Variants in PPM1A observed in about 807,000 individuals in gnomAD.
The protein encoded by PPM1A is protein phosphatase 1A.
In PPM1A, 7 loss-of-function variants were observed where a neutral mutation model predicts 35.0. The ratio of observed to expected loss-of-function variants is 0.20; its 90% CI spans 0.11 to 0.38. The LOEUF (loss-of-function observed/expected upper bound fraction) is 0.38. Ranked by LOEUF, PPM1A falls within the 10% of genes least tolerant of loss-of-function variation. The pLI is 1.00. For synonymous variants in PPM1A, 153 were observed against 167.3 expected (o/e 0.91, Z 0.66); for missense variants, 239 against 467.8 (o/e 0.51, Z 4.51).
chr14:60,276,759 T>C (rs1885806977), intron 1 of PPM1A, among the ~76,000 whole-genome samples: 1 of 152,178 alleles, frequency 6.6e-6, no homozygotes, highest in South Asian at 2.1e-4. Flanking sequence ...CAATAAAATA[T>C]ATAGAGCATT....
intron 1 of PPM1A, chr14:60,267,241 T>C (rs1168191671): frequency 2.6e-5 from 4 of 152,144 alleles, no homozygotes; most frequent in Admixed American, 2.6e-4. Context: ...CCTTGTTCTT[T>C]TTTCTTTCCT....
At chr14:60,248,353 CT>C (rs1881927203), upstream of PPM1A, among the ~76,000 whole-genome samples, 1 of 152,232 alleles carries the variant, frequency 6.6e-6, no homozygotes, top group Non-Finnish European at 1.5e-5. Flanking sequence ...TGGAGGTCCC[CT>C]GGGACAGAAC....
intron 1 of PPM1A, among the ~76,000 whole-genome samples, chr14:60,278,847 G>A (rs568146208): frequency 3.9e-5 from 6 of 152,260 alleles, no homozygotes; most frequent in East Asian, 3.9e-4. Context: ...TTGATAAATT[G>A]TATTCTGTTA....
chr14:60,273,854 T>C lies in PPM1A; in HGVS notation c.-20-8830T>C, dbSNP rs1387660545. Among the ~76,000 whole-genome samples the C allele has an allele frequency of 6.6e-6, 1 of 152,092 alleles. No homozygotes were observed. Among genetic ancestry groups the C allele is most frequent in the Non-Finnish European group, 1.5e-5 (1 of 67,984 alleles). On this transcript the variant is annotated intron_variant, in intron 1 of 5. Transcript: ENST00000395076. This position sits in a 1 kb window ranked among gnomAD's most constrained non-coding sequence, Gnocchi z 4.3. ...CTTAGTTTCTGTTTCTTTTTCTGAG[T>C]TGGGGTCTTGCTATATTGCCTAGGC...
chr14:60,284,331 A>G (rs895757800), intron 2 of PPM1A, among the ~76,000 whole-genome samples: 2 of 152,176 alleles, frequency 1.3e-5, no homozygotes, highest in Non-Finnish European at 2.9e-5. Flanking sequence ...CAGCTTTAAA[A>G]TGGAGATAAT....
chr14:60,274,459 G>T (rs1885514684), intron 1 of PPM1A, among the ~76,000 whole-genome samples: 1 of 151,974 alleles, frequency 6.6e-6, no homozygotes, highest in South Asian at 2.1e-4. Context: ...GGTGACACTT[G>T]TGGCTTTAAA....
At chr14:60,257,812 A>G (rs930446217) in intron 1 of PPM1A, among the ~76,000 whole-genome samples, 1 of 139,014 alleles carries the variant, frequency 7.2e-6, no homozygotes, top group African/African-American at 2.8e-5. Context: ...AGGGATGGCT[A>G]TATATTTTTT....
At chr14:60,261,244 G>C (rs1386220809) in intron 1 of PPM1A, among the ~76,000 whole-genome samples, 2 of 152,126 alleles carry the variant, frequency 1.3e-5, no homozygotes, top group African/African-American at 4.8e-5. Flanking sequence ...GGATTAGAAA[G>C]AGACATTAAA....
In PPM1A at chr14:60,292,651, T is replaced by A; in HGVS notation, c.*169T>A. ...GTACAACAGCTAGCCCAGAACTGAT[T>A]TTTTTTTTTTTTTTTGTAAATTTGA... On this transcript the variant is annotated 3_prime_UTR_variant, in exon 6 of 6. Transcript: ENST00000395076. This position sits in a 1 kb window ranked among gnomAD's most constrained non-coding sequence, Gnocchi z 4.2. 1 of 293,438 alleles carries A rather than the reference T, an allele frequency of 3.4e-6. No individual in the cohort carries two copies. Among genetic ancestry groups the A allele is most frequent in the Non-Finnish European group, 6.1e-6 (1 of 164,904 alleles). 18.2% of individuals were successfully genotyped at this position (293,438 alleles called of 1,614,324 possible). A position where few individuals can be genotyped will look rare whatever the true frequency, so the allele number is the denominator to read the frequency against.
intron 1 of PPM1A, among the ~76,000 whole-genome samples, chr14:60,274,205 A>G (rs1184157511): frequency 1.3e-5 from 2 of 152,174 alleles, no homozygotes; most frequent in Non-Finnish European, 2.9e-5. Context: ...TGAAAGGCCA[A>G]TGGGAAGAGT....
chr14:60,295,487 T>G lies in PPM1A; in HGVS notation c.*3005T>G, dbSNP rs1405576662. 6.6e-6 allele frequency: 1 copy of G among 151,752 alleles called. No homozygotes were observed. Among genetic ancestry groups the G allele is most frequent in the Non-Finnish European group, 1.5e-5 (1 of 67,718 alleles). The allele number at this position is 151,752 out of a possible 1,614,324, so 9.4% of individuals were successfully genotyped here. On this transcript the variant is annotated 3_prime_UTR_variant, in exon 6 of 6. Transcript: ENST00000395076. Reference sequence around the variant, plus strand: ...TTAATTTTTTATACTAATCTCAACATTAAGAAATTTGGATTAAGTAATAAA... The same window carrying G: ...TTAATTTTTTATACTAATCTCAACAGTAAGAAATTTGGATTAAGTAATAAA...
chr14:60,280,614 T>TCTAGGATAGTGGTCTTGTAAC (rs1886299975), intron 1 of PPM1A, among the ~76,000 whole-genome samples: 1 of 152,196 alleles, frequency 6.6e-6, no homozygotes, highest in Non-Finnish European at 1.5e-5. Flanking sequence ...TTGTTTCTAG[T>TCTAGGATAGTGGTCTTGTAAC]CTAGGATAGT....
chr14:60,260,454 T>C (rs565747777), intron 1 of PPM1A, among the ~76,000 whole-genome samples: 1 of 152,248 alleles, frequency 6.6e-6, no homozygotes, highest in African/African-American at 2.4e-5. Flanking sequence ...GTATAATCCA[T>C]AGTCACGTTT....
chr14:60,285,896 G>A (rs1886956713), intron 3 of PPM1A, 155 bp downstream of exon 3: 2 of 1,405,614 alleles, frequency 1.4e-6, no homozygotes, highest in Admixed American at 3.1e-5. Context: ...TAGCTGTTAA[G>A]ATGTATGCAG....
At chr14:60,274,142 C>T (rs1463326447) in intron 1 of PPM1A, among the ~76,000 whole-genome samples, 22 of 152,036 alleles carry the variant, frequency 1.4e-4, no homozygotes, top group African/African-American at 4.8e-5. Flanking sequence ...GCAAAGGAGA[C>T]GACGGAAAAG....
rs1232189957 is a variant in PPM1A, at chr14:60,295,792, T to C, written c.*3310T>C. On this transcript the variant is annotated 3_prime_UTR_variant, in exon 6 of 6. Transcript: ENST00000395076. ...ATATATATCTATTGCCCACCTGCTA[T>C]CTACCAGGTACTTAGCTGATCAAGG... 1 of 151,648 alleles carries C rather than the reference T, an allele frequency of 6.6e-6. No homozygotes were observed. Among genetic ancestry groups the C allele is most frequent in the African/African-American group, 2.4e-5 (1 of 41,396 alleles). 9.4% of individuals were successfully genotyped at this position (151,648 alleles called of 1,614,324 possible). A position where few individuals can be genotyped will look rare whatever the true frequency, so the allele number is the denominator to read the frequency against.
At chr14:60,252,269 A>G (rs1882517332) in intron 1 of PPM1A, among the ~76,000 whole-genome samples, 1 of 152,232 alleles carries the variant, frequency 6.6e-6, no homozygotes, top group Non-Finnish European at 1.5e-5. Context: ...TGAGAGCTGG[A>G]TTAATTTTTT....
intron 1 of PPM1A, among the ~76,000 whole-genome samples, chr14:60,276,619 GGT>G (rs1462336910): frequency 6.6e-6 from 1 of 151,992 alleles, no homozygotes; most frequent in East Asian, 1.9e-4. Flanking sequence ...TTCCCTATTA[GGT>G]TAAGTGTCCC....
At chr14:60,284,336 G>T (rs1886710799) in intron 2 of PPM1A, among the ~76,000 whole-genome samples, 1 of 152,148 alleles carries the variant, frequency 6.6e-6, no homozygotes, top group African/African-American at 2.4e-5. Context: ...TTAAAATGGA[G>T]ATAATAGTAT....
Sources: allele counts gnomAD v4.1 joint callset (sites outside exome capture counted in the v4.1 genomes callset), GRCh38; gene constraint gnomAD v4.1.1; non-coding constraint Gnocchi (gnomAD v3.1); transcripts MANE v1.5; gene names NCBI Gene and HGNC (gene_info 2026-07-23, HGNC 2026-07-21).